The following ZZZ3 variants were observed in gnomAD, a reference collection of about 807,000 sequenced individuals.
ZZZ3 encodes ZZ-type zinc finger-containing protein 3.
A neutral mutation model predicts 95.2 loss-of-function variants in ZZZ3; 22 were observed. The ratio of observed to expected loss-of-function variants is 0.23; its 90% CI spans 0.17 to 0.33. The LOEUF (loss-of-function observed/expected upper bound fraction) is 0.33. Among genes scored for constraint, ZZZ3 ranks in the 10% least tolerant of loss-of-function variants. The pLI is 1.00. For missense variants in ZZZ3, 885 were observed against 1,066.5 expected, an observed-to-expected ratio of 0.83 and a Z score of 2.37; for synonymous variants, 335 against 358.9, an observed-to-expected ratio of 0.93 and a Z score of 0.75.
intron 1 of ZZZ3, among the ~76,000 whole-genome samples, chr1:77,675,367 G>A (rs531765184): frequency 2.0e-5 from 3 of 152,100 alleles, no homozygotes; most frequent in South Asian, 4.2e-4. Context: ...TAGTAAGGAG[G>A]GTAAATAGTG....
chr1:77,669,881 C>T (rs890898737), intron 1 of ZZZ3, among the ~76,000 whole-genome samples: 12 of 151,904 alleles, frequency 7.9e-5, no homozygotes, highest in Non-Finnish European at 1.3e-4. Flanking sequence ...CTGTAATAGG[C>T]TGAAGGTGGG....
chr1:77,660,872 T>C (rs150065646), intron 1 of ZZZ3, among the ~76,000 whole-genome samples: 2 of 152,292 alleles, frequency 1.3e-5, no homozygotes, highest in African/African-American at 4.8e-5. Context: ...TTCTTCCAAT[T>C]ATATACAGAA....
intron 12 of ZZZ3, among the ~76,000 whole-genome samples, chr1:77,574,143 GAT>G (rs1661690554): frequency 6.8e-6 from 1 of 147,270 alleles, no homozygotes; most frequent in African/African-American, 2.5e-5. Flanking sequence ...TTTACATATA[GAT>G]ATATATAGAT....
intron 1 of ZZZ3, among the ~76,000 whole-genome samples, chr1:77,678,322 G>A (rs1013028687): frequency 4.6e-5 from 7 of 151,900 alleles, no homozygotes; most frequent in Non-Finnish European, 1.0e-4. Context: ...TAAAACAAAG[G>A]AAGTTCCATA....
intron 5 of ZZZ3, among the ~76,000 whole-genome samples, chr1:77,624,889 A>G (rs1172716824): frequency 6.6e-6 from 1 of 152,194 alleles, no homozygotes; most frequent in Admixed American, 6.5e-5. Flanking sequence ...AACTCCAGTT[A>G]GTGTCAGAAT....
Position 77,631,860 on chromosome 1 carries a change from G to C in ZZZ3, c.1495C>G (p.His499Asp). Residue 499 changes from histidine to aspartate, a missense_variant, in exon 5 of 15, where the codon CAC becomes GAC. Physicochemically the swap from His to Asp is moderately conservative, Grantham distance 81. Coordinates refer to ENST00000370801, the MANE Select transcript of ZZZ3 (RefSeq NM_015534.6). ...CATATTTACACATACTCTTTGTTGT[G>C]TTTCAGTGCCACATGATCTGATTCA... ...YFESDHVALKHNKDYQRLLQT... is the reference protein window; with the variant it reads ...YFESDHVALKDNKDYQRLLQT... The C allele has an allele frequency of 6.3e-7, 1 of 1,585,792 alleles. No individual in the cohort carries two copies. The highest frequency in any genetic ancestry group is 8.6e-7 in the Non-Finnish European group (1 of 1,165,036).
At chr1:77,611,204 G>C (rs1279097573) in intron 5 of ZZZ3, among the ~76,000 whole-genome samples, 2 of 27,258 alleles carry the variant, frequency 7.3e-5, no homozygotes, top group African/African-American at 2.6e-4. Context: ...AAGAAACCAG[G>C]AAAACAATCC....
intron 5 of ZZZ3, among the ~76,000 whole-genome samples, chr1:77,607,223 GC>G (rs1344556713): frequency 6.6e-6 from 1 of 152,188 alleles, no homozygotes; most frequent in Non-Finnish European, 1.5e-5. Flanking sequence ...ATGGGGGCAT[GC>G]AAAAGGACTT....
intron 1 of ZZZ3, among the ~76,000 whole-genome samples, chr1:77,644,165 A>G (rs1669047229): frequency 6.6e-6 from 1 of 151,858 alleles, no homozygotes; most frequent in Non-Finnish European, 1.5e-5. Context: ...TCCTGGATTC[A>G]AGTGATTCTC....
chr1:77,597,418 A>T (rs1401153194), intron 5 of ZZZ3, among the ~76,000 whole-genome samples: 2 of 152,136 alleles, frequency 1.3e-5, no homozygotes, highest in Non-Finnish European at 2.9e-5. Context: ...CCATTCCTTC[A>T]GTGTGGCCTG....
intron 5 of ZZZ3, among the ~76,000 whole-genome samples, chr1:77,619,834 T>TA (rs546307432): frequency 3.0e-4 from 46 of 152,300 alleles, no homozygotes; most frequent in Middle Eastern, 6.8e-3. Flanking sequence ...ATTTAAATGT[T>TA]AAAAAATCAC....
chr1:77,673,960 G>C (rs1672019136), intron 1 of ZZZ3, among the ~76,000 whole-genome samples: 1 of 149,820 alleles, frequency 6.7e-6, no homozygotes, highest in Non-Finnish European at 1.5e-5. Context: ...AAAGCCATTA[G>C]CTGGCCAGGA....
intron 5 of ZZZ3, among the ~76,000 whole-genome samples, chr1:77,621,516 T>TAAAAAAA (rs568033576): frequency 8.1e-6 from 1 of 123,052 alleles, no homozygotes; most frequent in African/African-American, 3.0e-5. Flanking sequence ...AAATTTAAGT[T>TAAAAAAA]AAAAAAAAAA....
intron 13 of ZZZ3, among the ~76,000 whole-genome samples, chr1:77,567,613 G>C (rs773619123): frequency 1.3e-5 from 2 of 152,136 alleles, no homozygotes; most frequent in Non-Finnish European, 2.9e-5. Flanking sequence ...CTCTAGCCAC[G>C]CTCAACTATT....
intron 11 of ZZZ3, 61 bp downstream of exon 11, chr1:77,578,713 C>T: frequency 1.1e-6 from 1 of 950,456 alleles, no homozygotes; most frequent in Non-Finnish European, 1.5e-6. Context: ...TAGATTTTTA[C>T]ATAGCAATTC....
rs1440350531 is a variant in ZZZ3 at position 77,632,829 on chromosome 1, C to T, written c.526G>A (p.Glu176Lys). ...CLILDDCEKR[E>K]IKKVNVSEEG... ...TCACTGACATTCACCTTTTTAATTT[C>T]CCTTTTCTCACAATCATCCAGTATA... Residue 176 changes from glutamate to lysine, a missense_variant, in exon 5 of 15, where the codon GAA becomes AAA. Transcript: ENST00000370801. 6.2e-7 allele frequency: 1 copy of T among 1,614,176 alleles called. No individual in the cohort carries two copies. Among genetic ancestry groups the T allele is most frequent in the Middle Eastern group, 1.6e-4 (1 of 6,062 alleles).
At chr1:77,617,110 G>A (rs765297132) in intron 5 of ZZZ3, among the ~76,000 whole-genome samples, 7 of 151,896 alleles carry the variant, frequency 4.6e-5, no homozygotes, top group Non-Finnish European at 5.9e-5. Context: ...ATCCCCCCAC[G>A]CTTTAGTTTC....
Position 77,582,130 on chromosome 1 carries a change from G to A in ZZZ3, c.1645-4C>T. The stretch of plus-strand genomic sequence containing the variant: ...GATATGGAAGCCCAATATCAGCCTG[G>A]AGGCAGGGGAGAAAAAACAAAATAA... On this transcript the variant is annotated splice_polypyrimidine_tract_variant and splice_region_variant and intron_variant, in intron 6 of 14. Transcript: ENST00000370801. The A allele has an allele frequency of 1.3e-6, 2 of 1,578,226 alleles. No homozygotes were observed. Among genetic ancestry groups the A allele is most frequent in the Non-Finnish European group, 1.7e-6 (2 of 1,169,330 alleles).
At chr1:77,678,601 T>C (rs147620112) in intron 1 of ZZZ3, among the ~76,000 whole-genome samples, 2 of 152,338 alleles carry the variant, frequency 1.3e-5, no homozygotes, top group East Asian at 3.9e-4. Flanking sequence ...TAGGAGTGTA[T>C]GTATTTATGT....
Sources: gnomAD v4.1 joint callset for allele counts (sites outside exome capture counted in the v4.1 genomes callset) on GRCh38, gnomAD v4.1.1 for gene constraint, MANE v1.5 for transcripts, NCBI Gene and HGNC (gene_info 2026-07-23, HGNC 2026-07-21) for gene names.